Variants in IGSF10 observed in about 807,000 individuals in gnomAD.
IGSF10 encodes the protein calvaria mechanical force protein 608.
In IGSF10, 126 loss-of-function variants were observed where a neutral mutation model predicts 128.2. The observed-to-expected ratio is 0.98, with a 90% CI of 0.85 to 1.14. The LOEUF is 1.14. IGSF10 is among the 50% of genes most tolerant of loss of function. IGSF10 has a pLI of 0.00. For synonymous variants in IGSF10, 1,185 were observed against 1,146.2 expected (o/e 1.03, Z -0.68); for missense variants, 3,295 against 3,149.8 (o/e 1.05, Z -1.10).
the IGSF10 span, among the ~76,000 whole-genome samples, chr3:151,496,013 T>A: frequency 6.6e-6 from 1 of 152,186 alleles, no homozygotes; most frequent in Non-Finnish European, 1.5e-5. Flanking sequence ...TTCAGTCTGA[T>A]ACTCATGTTC....
the IGSF10 span, among the ~76,000 whole-genome samples, chr3:151,566,562 G>A: frequency 6.6e-6 from 1 of 152,100 alleles, no homozygotes; most frequent in Non-Finnish European, 1.5e-5. Flanking sequence ...ACCATGGCAG[G>A]GACAAAGAGA....
At chr3:151,600,086 A>G in the IGSF10 span, among the ~76,000 whole-genome samples, 2 of 152,234 alleles carry the variant, frequency 1.3e-5, no homozygotes, top group Non-Finnish European at 2.9e-5. Flanking sequence ...GTAACTTAAG[A>G]TCAATAACAT....
At chr3:151,559,165 G>T in the IGSF10 span, among the ~76,000 whole-genome samples, 1 of 152,090 alleles carries the variant, frequency 6.6e-6, no homozygotes, top group Non-Finnish European at 1.5e-5. Context: ...TAATTCAAGG[G>T]AGTAAAAAAC....
At chr3:151,458,853 C>T in intron 2 of IGSF10, 143 bp from the exon 3 acceptor site, 1 of 625,118 alleles carries the variant, frequency 1.6e-6, no homozygotes, top group Admixed American at 3.1e-5. Context: ...TGGTCATATG[C>T]ACTCTTTACA....
the IGSF10 span, among the ~76,000 whole-genome samples, chr3:151,534,801 A>ATATGTGTGTGTGTGTG: frequency 2.5e-4 from 38 of 149,078 alleles, no homozygotes; most frequent in African/African-American, 9.4e-4. Flanking sequence ...TTTAAAGTGT[A>ATATGTGTGTGTGTGTG]TGTGTGTGTG....
chr3:151,444,793 A>G lies in IGSF10; in HGVS notation c.5062+126T>C, dbSNP rs1360615447. On this transcript the variant is annotated intron_variant, in intron 6 of 7. Transcript: ENST00000282466. ...TATGCCAGTGTCAAATGAGGATATTAATAGTTTCTTTGTCTTAGAAAAATT... is the reference window on the plus strand; with the variant it reads ...TATGCCAGTGTCAAATGAGGATATTGATAGTTTCTTTGTCTTAGAAAAATT... 5.0e-6 allele frequency: 4 copies of G among 798,388 alleles called. No homozygotes were observed. The African/African-American group carries it at 7.0e-5, about 14-fold the overall frequency. 49.5% of individuals were successfully genotyped at this position (798,388 alleles called of 1,614,324 possible).
chr3:151,496,109 G>A, the IGSF10 span, among the ~76,000 whole-genome samples: 1 of 152,018 alleles, frequency 6.6e-6, no homozygotes, highest in Non-Finnish European at 1.5e-5. Context: ...TGAACGGGAG[G>A]ATACACTCCT....
In IGSF10 at chr3:151,447,618, T is replaced by A. The variant is rs969642180; in HGVS notation, c.2363A>T (p.Asn788Ile). 1.2e-6 allele frequency: 2 copies of A among 1,614,092 alleles called. No homozygotes were observed. ...GGAATCGTCTTCTTCACCAGGTATG[T>A]TTGGGAGTTGGGTGACCACTGGGGG... is the stretch of plus-strand genomic sequence containing the variant. Reference protein sequence around the residue: ...SPPPVVTQLPNIPGEEDDSSG... With the variant: ...SPPPVVTQLPIIPGEEDDSSG... The change falls in exon 6 of 8, where the codon AAC (asparagine) becomes ATC (isoleucine). Residue 788 changes from asparagine to isoleucine, a missense_variant. Physicochemically the swap from Asn to Ile is moderately radical, Grantham distance 149. Coordinates refer to ENST00000282466, the MANE Select transcript of IGSF10 (RefSeq NM_178822.5).
the IGSF10 span, among the ~76,000 whole-genome samples, chr3:151,526,027 AT>A: frequency 6.6e-6 from 1 of 152,302 alleles, no homozygotes; most frequent in East Asian, 1.9e-4. Flanking sequence ...TGCCACACCA[AT>A]TTTAACTTCT....
At chr3:151,535,572 C>T in the IGSF10 span, among the ~76,000 whole-genome samples, 2 of 152,074 alleles carry the variant, frequency 1.3e-5, no homozygotes, top group Non-Finnish European at 2.9e-5. Context: ...CAAACCTGCA[C>T]ATGTATGCTC....
the IGSF10 span, among the ~76,000 whole-genome samples, chr3:151,617,241 TCC>T: frequency 3.1e-5 from 3 of 97,394 alleles, no homozygotes; most frequent in South Asian, 5.9e-4. Context: ...TTCTTCTTCC[TCC>T]TCCTCTTCTT....
chr3:151,607,568 G>A, the IGSF10 span, among the ~76,000 whole-genome samples: 81 of 152,036 alleles, frequency 5.3e-4, no homozygotes, highest in Non-Finnish European at 1.0e-3. Context: ...GTTTTAAAAA[G>A]TATGTAATTA....
the IGSF10 span, among the ~76,000 whole-genome samples, chr3:151,504,555 C>T: frequency 1.3e-5 from 2 of 152,054 alleles, no homozygotes; most frequent in African/African-American, 4.8e-5. Context: ...ATGAAAGTTC[C>T]AATAGTTACA....
At chr3:151,482,468 A>T in the IGSF10 span, among the ~76,000 whole-genome samples, 1 of 152,208 alleles carries the variant, frequency 6.6e-6, no homozygotes, top group Non-Finnish European at 1.5e-5. Flanking sequence ...GATCAGAGGA[A>T]AGAATCTATG....
intron 7 of IGSF10, 53 bp from the exon 8 acceptor site, chr3:151,438,650 C>G (rs1313600096): frequency 7.0e-7 from 1 of 1,427,918 alleles, no homozygotes; most frequent in East Asian, 2.3e-5. Flanking sequence ...ATGAGGGAAA[C>G]TGTTTTACTC....
Position 151,437,810 on chromosome 3 carries a change from C to T in IGSF10, c.6751G>A (p.Ala2251Thr), listed in dbSNP as rs1206312063. The change falls in exon 8 of 8, where the codon GCT (alanine) becomes ACT (threonine). Residue 2251 changes from alanine to threonine, a missense_variant. Transcript: ENST00000282466. ...YTNRTVIKAT[A>T]VRHSKKHFDC... The stretch of plus-strand genomic sequence containing the variant: ...AAGTGTTTTTTGGAATGTCTCACAG[C>T]TGTGGCTTTAATAACAGTTCTGTTT... The T allele has an allele frequency of 1.2e-6, 2 of 1,613,820 alleles. No individual in the cohort carries two copies. The highest frequency in any genetic ancestry group is 1.3e-5 in the African/African-American group (1 of 74,942).
At chr3:151,481,065 C>G in the IGSF10 span, among the ~76,000 whole-genome samples, 1 of 152,148 alleles carries the variant, frequency 6.6e-6, no homozygotes, top group Non-Finnish European at 1.5e-5. Context: ...CCCATCAGAA[C>G]AGTTGCATTT....
In IGSF10 at chr3:151,438,348, A is replaced by G; in HGVS notation, c.6213T>C (p.Ser2071=). ...TCATGGTTCCATCAGGCAAACTCCA[A>G]GATATCTCTGGCACTGGGGAGCCGG... ...KASGSPVPEI[S]WSLPDGTMIN... is the part of the protein sequence containing the mutation. Residue 2071 remains serine, a synonymous_variant, in exon 8 of 8, where the codon TCT becomes TCC. Transcript: ENST00000282466. The G allele has an allele frequency of 6.2e-7, 1 of 1,614,194 alleles. No individual in the cohort carries two copies. The highest frequency in any genetic ancestry group is 8.5e-7 in the Non-Finnish European group (1 of 1,180,030).
At chr3:151,440,123 C>A (rs1356235019) in intron 7 of IGSF10, among the ~76,000 whole-genome samples, 1 of 152,102 alleles carries the variant, frequency 6.6e-6, no homozygotes, top group East Asian at 1.9e-4. Context: ...CTCAACCTCC[C>A]AGGTTCAAGC....
Sources: allele counts gnomAD v4.1 joint callset (sites outside exome capture counted in the v4.1 genomes callset), GRCh38; gene constraint gnomAD v4.1.1; transcripts MANE v1.5; gene names NCBI Gene and HGNC (gene_info 2026-07-23, HGNC 2026-07-21).